Variants in RNF38 observed in about 807,000 individuals in gnomAD.
RNF38 encodes the protein ring finger protein 38.
Under a neutral mutation model 67.2 loss-of-function variants are expected in RNF38, and 15 were observed. The ratio of observed to expected loss-of-function variants is 0.22; its 90% CI spans 0.15 to 0.34. RNF38 has a LOEUF of 0.34. Among genes scored for constraint, RNF38 ranks in the 10% least tolerant of loss-of-function variants. RNF38 has a pLI of 1.00. For synonymous variants in RNF38, 220 were observed against 218.8 expected, an observed-to-expected ratio of 1.01 and a Z score of -0.05; for missense variants, 524 against 639.9, an observed-to-expected ratio of 0.82 and a Z score of 1.95.
chr9:36,401,242 C>T (rs1031609284), upstream of RNF38: 6 of 981,762 alleles, frequency 6.1e-6, no homozygotes, highest in Non-Finnish European at 7.3e-6. Context: ...GCCCGGCGCA[C>T]GACTCGGACC....
intron 1 of RNF38, among the ~76,000 whole-genome samples, chr9:36,398,522 T>C (rs998117372): frequency 6.6e-6 from 1 of 152,248 alleles, no homozygotes; most frequent in Non-Finnish European, 1.5e-5. Flanking sequence ...TAATTTACTA[T>C]ATAGAGTTCA....
chr9:36,432,002 T>C (rs1213040635), intron 1 of RNF38, among the ~76,000 whole-genome samples: 1 of 152,230 alleles, frequency 6.6e-6, no homozygotes, highest in East Asian at 1.9e-4. Context: ...GTGCCAGGAA[T>C]TAGGGATGAA....
intron 1 of RNF38, among the ~76,000 whole-genome samples, chr9:36,427,774 G>T (rs540255462): frequency 2.6e-5 from 4 of 151,732 alleles, no homozygotes; most frequent in Non-Finnish European, 5.9e-5. Flanking sequence ...GTAGTGGTGC[G>T]ATCTTGGCTC....
At position 36,336,735 on chromosome 9, in the gene RNF38, A is replaced by G. The variant is rs1337762980; in HGVS notation, c.*3017T>C. On this transcript the variant is annotated 3_prime_UTR_variant, in exon 12 of 12. Transcript: ENST00000259605. ...CAAATGTACCAACAGGGGGACAAAC[A>G]AACAGCTTTCTAATGAAAAGGCCCA... 2 of 152,594 alleles carry G rather than the reference A, an allele frequency of 1.3e-5. No homozygotes were observed. The highest frequency in any genetic ancestry group is 2.9e-5 in the Non-Finnish European group (2 of 68,030). 9.5% of individuals were successfully genotyped at this position (152,594 alleles called of 1,614,324 possible).
chr9:36,372,683 ACT>A (rs1328217504), intron 3 of RNF38: 2 of 516,118 alleles, frequency 3.9e-6, no homozygotes, highest in Non-Finnish European at 6.9e-6. Context: ...GGTGGTAAAT[ACT>A]CTCTACTACT....
In RNF38 at chr9:36,339,824, A is replaced by G. The variant is rs1832711249; in HGVS notation, c.1486-10T>C. 1 of 1,608,578 alleles carries G rather than the reference A, an allele frequency of 6.2e-7. No homozygotes were observed. Among genetic ancestry groups the G allele is most frequent in the Non-Finnish European group, 8.5e-7 (1 of 1,176,454 alleles). On this transcript the variant is annotated splice_polypyrimidine_tract_variant and intron_variant, in intron 11 of 11. Coordinates refer to ENST00000259605, the MANE Select transcript of RNF38 (RefSeq NM_022781.5). ...GGCAAGTACGATTTGCCTACAAAAC[A>G]AAAAGGAAAACTTGTTTAAATTGTG... is the stretch of plus-strand genomic sequence containing the variant.
chr9:36,431,477 T>C (rs1307556119), intron 1 of RNF38, among the ~76,000 whole-genome samples: 1 of 152,220 alleles, frequency 6.6e-6, no homozygotes, highest in Non-Finnish European at 1.5e-5. Flanking sequence ...AGTCCCTCTT[T>C]GACAAAAACA....
At chr9:36,411,252 A>T (rs184160941) in intron 2 of RNF38, among the ~76,000 whole-genome samples, 3 of 152,164 alleles carry the variant, frequency 2.0e-5, no homozygotes, top group African/African-American at 7.2e-5. Context: ...CTATAAAAAA[A>T]TTAAAAAGAA....
intron 1 of RNF38, among the ~76,000 whole-genome samples, chr9:36,485,619 G>A (rs1840391308): frequency 6.6e-6 from 1 of 152,108 alleles, no homozygotes; most frequent in African/African-American, 2.4e-5. Flanking sequence ...GTGTGTCTTA[G>A]AGTTTTTTAG....
chr9:36,481,767 A>G (rs1487857111), intron 1 of RNF38, among the ~76,000 whole-genome samples: 1 of 152,196 alleles, frequency 6.6e-6, no homozygotes, highest in African/African-American at 2.4e-5. Context: ...AAGCAGTAGG[A>G]AGTCCGGTCT....
In RNF38 at chr9:36,415,706, G is replaced by A. The variant is rs76189427; in HGVS notation, n.312+8907C>T. 7.0e-3 allele frequency among the ~76,000 whole-genome samples: 1,069 copies of A among 152,254 alleles called. 10 individuals are homozygous for A. The highest frequency in any genetic ancestry group is 0.024 in the African/African-American group (1,002 of 41,540). On this transcript the variant is annotated intron_variant and non_coding_transcript_variant, in intron 2 of 3. Coordinates refer to the RNF38 transcript ENST00000488058. ...GTCTCTCAGCTGTGGCATCTGCTCC[G>A]ATGGAGGTAGCAGGGGAATGAAGTG...
chr9:36,345,453 G>T (rs956561810), intron 9 of RNF38, among the ~76,000 whole-genome samples: 1 of 152,094 alleles, frequency 6.6e-6, no homozygotes, highest in African/African-American at 2.4e-5. Flanking sequence ...CTGGCCTGGG[G>T]ACTACAGGAT....
At chr9:36,462,675 T>A (rs1839760552) in intron 1 of RNF38, among the ~76,000 whole-genome samples, 1 of 133,222 alleles carries the variant, frequency 7.5e-6, no homozygotes, top group African/African-American at 2.6e-5. Context: ...ACCAACTGAT[T>A]GATTTTTTTT....
intron 2 of RNF38, among the ~76,000 whole-genome samples, chr9:36,415,345 T>C (rs1397254976): frequency 2.0e-5 from 3 of 152,348 alleles, no homozygotes; most frequent in African/African-American, 7.2e-5. Flanking sequence ...TGTATTTAAG[T>C]GTGTCTTTCA....
intron 2 of RNF38, among the ~76,000 whole-genome samples, chr9:36,423,646 CT>C (rs1283788400): frequency 3.9e-5 from 6 of 151,970 alleles, no homozygotes; most frequent in African/African-American, 1.4e-4. Flanking sequence ...GTCAAGCGTA[CT>C]GATGAGTATT....
intron 1 of RNF38, among the ~76,000 whole-genome samples, chr9:36,392,473 A>C (rs2134040379): frequency 6.6e-6 from 1 of 152,356 alleles, no homozygotes; most frequent in African/African-American, 2.4e-5. Flanking sequence ...GCAGTGGCTC[A>C]CACTTGTAAT....
intron 4 of RNF38, among the ~76,000 whole-genome samples, chr9:36,361,181 A>C (rs2133639904): frequency 6.6e-6 from 1 of 151,844 alleles, no homozygotes; most frequent in Non-Finnish European, 1.5e-5. Flanking sequence ...CATACTAAGA[A>C]AAATACTTCT....
intron 2 of RNF38, among the ~76,000 whole-genome samples, chr9:36,385,977 G>C (rs1366248714): frequency 2.0e-5 from 3 of 152,174 alleles, no homozygotes; most frequent in African/African-American, 7.2e-5. Context: ...ACAACCAGCA[G>C]GATGCAGAAA....
chr9:36,432,997 GA>G (rs1356035233), intron 1 of RNF38, among the ~76,000 whole-genome samples: 2 of 152,038 alleles, frequency 1.3e-5, no homozygotes, highest in Non-Finnish European at 2.9e-5. Flanking sequence ...TAAGAAACCT[GA>G]AATCTCTAGT....
Sources: allele counts gnomAD v4.1 joint callset (sites outside exome capture counted in the v4.1 genomes callset), GRCh38; gene constraint gnomAD v4.1.1; transcripts MANE v1.5; gene names NCBI Gene and HGNC (gene_info 2026-07-23, HGNC 2026-07-21).